The following DCC variants were observed in gnomAD, a reference collection of about 807,000 sequenced individuals.
DCC encodes the protein DCC netrin 1 receptor.
DCC carries 58 observed loss-of-function variants against 172.5 expected under a neutral mutation model. The observed-to-expected ratio is 0.34, with a 90% CI of 0.27 to 0.42. The LOEUF is 0.42. Among genes scored for constraint, DCC ranks in the 10% least tolerant of loss-of-function variants. The probability of loss-of-function intolerance (pLI) is 1.00; values close to 1 mark genes in which losing one functional copy is unlikely to be tolerated. For synonymous variants in DCC, 709 were observed against 644.5 expected (o/e 1.10, Z -1.52); for missense variants, 1,740 against 1,791.0 (o/e 0.97, Z 0.51).
At chr18:52,931,752 A>G (rs2040310536) in intron 5 of DCC, 3 of 152,084 alleles carry the variant, frequency 2.0e-5, no homozygotes, top group Admixed American at 2.0e-4. Context: ...TATTTTCTTT[A>G]TCATAGCCAT....
chr18:53,459,612 TTAAC>T (rs1161141258), intron 24 of DCC, among the ~76,000 whole-genome samples, 154 bp downstream of exon 24: 2 of 152,344 alleles, frequency 1.3e-5, no homozygotes, highest in South Asian at 2.1e-4. Flanking sequence ...ATTTGGTTGA[TTAAC>T]CAATTATATG....
intron 1 of DCC, among the ~76,000 whole-genome samples, chr18:52,473,998 C>A (rs1989018689): frequency 6.6e-6 from 1 of 151,886 alleles, no homozygotes; most frequent in Admixed American, 6.6e-5. Context: ...TTTTTTTTTA[C>A]TGCTCCTTCT....
intron 2 of DCC, among the ~76,000 whole-genome samples, chr18:52,861,458 A>C (rs1363340076): frequency 6.6e-6 from 1 of 152,254 alleles, no homozygotes; most frequent in Non-Finnish European, 1.5e-5. Flanking sequence ...TGTGGAACCT[A>C]TGTAAACAAC....
chr18:53,115,253 A>G (rs1276578353), intron 7 of DCC, among the ~76,000 whole-genome samples: 2 of 151,562 alleles, frequency 1.3e-5, no homozygotes, highest in East Asian at 1.9e-4. Flanking sequence ...ATCTTTCTTA[A>G]CAGAAAGAGA....
chr18:52,761,908 C>T (rs1170001428), intron 2 of DCC, among the ~76,000 whole-genome samples: 6 of 48,462 alleles, frequency 1.2e-4, no homozygotes, highest in Non-Finnish European at 2.5e-4. Context: ...GACTCTGTCT[C>T]AAAAAAAAAA....
At chr18:52,639,938 T>C (rs955575709) in intron 1 of DCC, among the ~76,000 whole-genome samples, 8 of 152,100 alleles carry the variant, frequency 5.3e-5, no homozygotes, top group African/African-American at 1.9e-4. Context: ...CTGATATCCT[T>C]GATGCACATA....
chr18:53,263,086 A>G (rs1403825422), intron 12 of DCC, among the ~76,000 whole-genome samples: 1 of 152,184 alleles, frequency 6.6e-6, no homozygotes, highest in Non-Finnish European at 1.5e-5. Context: ...ACATATGTAA[A>G]TGTTAAAAAA....
chr18:53,181,114 A>T (rs1464187811), intron 9 of DCC, among the ~76,000 whole-genome samples: 1 of 152,220 alleles, frequency 6.6e-6, no homozygotes, highest in Non-Finnish European at 1.5e-5. Flanking sequence ...TTCCTTAAAG[A>T]AATCCTTGAT....
rs201863695 is a variant in DCC at position 52,927,046 on chromosome 18, CAT to C, written c.985+1684_985+1685del. On this transcript the variant is annotated intron_variant, in intron 5 of 28. Coordinates refer to ENST00000442544, the MANE Select transcript of DCC (RefSeq NM_005215.4). The stretch of plus-strand genomic sequence containing the variant: ...AAATGCCAGTATGAGTATGCCAATA[CAT>C]ATATATACACATATATACACACATA... Among the ~76,000 whole-genome samples, 27 of 123,672 alleles carry C rather than the reference CAT, an allele frequency of 2.2e-4. 5 individuals are homozygous for C. The highest frequency in any genetic ancestry group is 4.7e-4 in the Admixed American group (6 of 12,762). The allele number at this position is 123,672 out of a possible 152,430, so 81.1% of individuals were successfully genotyped here.
intron 1 of DCC, among the ~76,000 whole-genome samples, chr18:52,348,758 G>T (rs892857208): frequency 3.9e-5 from 6 of 152,136 alleles, no homozygotes; most frequent in Non-Finnish European, 7.3e-5. Flanking sequence ...ACTTTACCAT[G>T]TTGACTCTGG....
At chr18:53,372,837 C>T (rs756583803) in intron 15 of DCC, among the ~76,000 whole-genome samples, 48 of 152,168 alleles carry the variant, frequency 3.2e-4, no homozygotes, top group Non-Finnish European at 5.7e-4. Context: ...ACTTCTGGGC[C>T]TTGATCCTCA....
chr18:53,090,275 C>T (rs1459931645), intron 7 of DCC, among the ~76,000 whole-genome samples: 1 of 152,104 alleles, frequency 6.6e-6, no homozygotes, highest in African/African-American at 2.4e-5. Flanking sequence ...AAATACAACT[C>T]TAACAGTCCA....
rs190135874 is a variant in DCC at position 53,068,949 on chromosome 18, A to G, written c.1261+2783A>G. Among the ~76,000 whole-genome samples the G allele has an allele frequency of 4.2e-4, 64 of 152,230 alleles. No individual in the cohort carries two copies. The East Asian group carries it at 0.012, about 28-fold the overall frequency. On this transcript the variant is annotated intron_variant, in intron 7 of 28. Coordinates refer to ENST00000442544, the MANE Select transcript of DCC (RefSeq NM_005215.4). ...AAGAGGCTGACAAATCTAGTTTCTTAGAAATACTTAATAGGGACTTATGAA... is the reference window on the plus strand; with the variant it reads ...AAGAGGCTGACAAATCTAGTTTCTTGGAAATACTTAATAGGGACTTATGAA...
chr18:52,784,998 A>C (rs2037629244), intron 2 of DCC, among the ~76,000 whole-genome samples: 2 of 151,814 alleles, frequency 1.3e-5, no homozygotes, highest in Admixed American at 6.6e-5. Context: ...GGTTGACTGC[A>C]GCAGATTTTA....
chr18:52,939,865 G>A (rs2040434198), intron 5 of DCC, among the ~76,000 whole-genome samples: 1 of 152,134 alleles, frequency 6.6e-6, no homozygotes, highest in Admixed American at 6.6e-5. Context: ...AAATGAGCTG[G>A]TCAAACAAGT....
In DCC at chr18:52,446,679, C is replaced by T. The variant is rs375578069; in HGVS notation, c.91+105801C>T. On this transcript the variant is annotated intron_variant, in intron 1 of 28. Transcript: ENST00000442544. ...TCATCTGGCATTCTCCTTCTAGCCA[C>T]TACCTTTGGTATTGATGTTACTGTG... Among the ~76,000 whole-genome samples the T allele has an allele frequency of 1.8e-4, 27 of 152,330 alleles. No individual in the cohort carries two copies. The East Asian group carries it at 4.2e-3, about 24-fold the overall frequency.
chr18:52,923,471 A>G (rs2040154634), intron 3 of DCC, among the ~76,000 whole-genome samples: 1 of 152,128 alleles, frequency 6.6e-6, no homozygotes. Flanking sequence ...GTAGCCTCAG[A>G]TACATGAATA....
At chr18:52,543,365 A>G (rs1345199770) in intron 1 of DCC, among the ~76,000 whole-genome samples, 1 of 152,124 alleles carries the variant, frequency 6.6e-6, no homozygotes, top group African/African-American at 2.4e-5. Context: ...TTCAGGGTGT[A>G]TTTTACACTT....
rs1224343769 is a variant in DCC at position 53,531,747 on chromosome 18, TG to T, written c.*1095del. The T allele has an allele frequency of 6.6e-6, 1 of 152,174 alleles. No homozygotes were observed. The highest frequency in any genetic ancestry group is 1.5e-5 in the Non-Finnish European group (1 of 68,054). 9.4% of individuals were successfully genotyped at this position (152,174 alleles called of 1,614,324 possible). Reference sequence around the variant, plus strand: ...TCTAACAGTACCTTCTCTTAAAGAATGCCAACTCTGCCTACAGGGTCAGTGT... The same window carrying T: ...TCTAACAGTACCTTCTCTTAAAGAATCCAACTCTGCCTACAGGGTCAGTGT... On this transcript the variant is annotated 3_prime_UTR_variant, in exon 29 of 29. Transcript: ENST00000442544.
Sources: gnomAD v4.1 joint callset for allele counts (sites outside exome capture counted in the v4.1 genomes callset) on GRCh38, gnomAD v4.1.1 for gene constraint, MANE v1.5 for transcripts, NCBI Gene and HGNC (gene_info 2026-07-23, HGNC 2026-07-21) for gene names.